ZNF99: variants seen among roughly 807,000 people sequenced by gnomAD.
The protein encoded by ZNF99 is zinc finger protein ENSP00000375192.
In ZNF99, 8 loss-of-function variants were observed where a neutral mutation model predicts 12.8. The observed-to-expected ratio is 0.62, with a 90% confidence interval of 0.37 to 1.13. The LOEUF is 1.13. Among genes scored for constraint, ZNF99 ranks in the 50% most tolerant of loss-of-function variants. The pLI is 0.02. For missense variants in ZNF99, 1,007 were observed against 1,006.2 expected, an observed-to-expected ratio of 1.00 and a Z score of -0.01; for synonymous variants, 318 against 319.0, an observed-to-expected ratio of 1.00 and a Z score of 0.03.
chr19:22,767,504 T>C (rs1198358844), intron 3 of ZNF99, among the ~76,000 whole-genome samples: 1 of 152,126 alleles, frequency 6.6e-6, no homozygotes, highest in South Asian at 2.1e-4. Context: ...AGTCAAGTAC[T>C]AGTACAAGAA....
intron 1 of ZNF99, among the ~76,000 whole-genome samples, chr19:22,770,136 T>C (rs547706911): frequency 1.2e-4 from 18 of 152,296 alleles, no homozygotes; most frequent in African/African-American, 4.1e-4. Context: ...AAAGAATCTT[T>C]TGTTAAATAT....
At chr19:22,769,022 T>C (rs1025331134) in intron 2 of ZNF99, among the ~76,000 whole-genome samples, 176 bp downstream of exon 2, 35 of 143,930 alleles carry the variant, frequency 2.4e-4, no homozygotes, top group Admixed American at 9.0e-4. Context: ...AGAGCGAAAC[T>C]CTGTTTCAAA....
In ZNF99 at chr19:22,758,518, T is replaced by C. The variant is rs1973106075; in HGVS notation, c.1391A>G (p.Asn464Ser). The C allele has an allele frequency of 6.8e-6, 11 of 1,613,176 alleles. No individual in the cohort carries two copies. Among genetic ancestry groups the C allele is most frequent in the African/African-American group, 1.3e-5 (1 of 74,882 alleles). ...CTCATGTTTTCTAAGGGCTGAAAAATTGCTAAAAGCTTTGCTGCATTCTTC... is the reference window on the plus strand; with the variant it reads ...CTCATGTTTTCTAAGGGCTGAAAAACTGCTAAAAGCTTTGCTGCATTCTTC... ...KCEECSKAFS[N>S]FSALRKHEII... Residue 464 changes from asparagine to serine, a missense_variant, in exon 4 of 4, where the codon AAT becomes AGT. By Grantham distance (46) the Asn-to-Ser change is conservative. Coordinates refer to ENST00000596209, the MANE Select transcript of ZNF99 (RefSeq NM_001080409.3).
Position 22,753,808 on chromosome 19 carries a change from G to A in ZNF99, c.*3506C>T, listed in dbSNP as rs1008489307. ...TGTACATTTTTTTTCAAGTATAAAT[G>A]CTTTCCTATGCGATAAGGTGTGAGT... On this transcript the variant is annotated 3_prime_UTR_variant, in exon 4 of 4. Transcript: ENST00000596209. 1 of 223,770 alleles carries A rather than the reference G, an allele frequency of 4.5e-6. No homozygotes were observed. Among genetic ancestry groups the A allele is most frequent in the Non-Finnish European group, 9.1e-6 (1 of 109,410 alleles). 13.9% of individuals were successfully genotyped at this position (223,770 alleles called of 1,614,324 possible).
In ZNF99 at chr19:22,754,155, T is replaced by C; in HGVS notation, c.*3159A>G. ...GCCAAGGCGGGTGGATCACTTGAGG[T>C]CAGGAGTTCAAAACCAGCCTGGTCA... On this transcript the variant is annotated 3_prime_UTR_variant, in exon 4 of 4. Coordinates refer to ENST00000596209, the MANE Select transcript of ZNF99 (RefSeq NM_001080409.3). The C allele has an allele frequency of 2.2e-6, 1 of 453,014 alleles. No individual in the cohort carries two copies. Among genetic ancestry groups the C allele is most frequent in the South Asian group, 1.6e-5 (1 of 64,362 alleles). 28.1% of individuals were successfully genotyped at this position (453,014 alleles called of 1,614,324 possible).
At chr19:22,764,426 C>T (rs1305844578) in intron 3 of ZNF99, among the ~76,000 whole-genome samples, 5 of 152,082 alleles carry the variant, frequency 3.3e-5, no homozygotes, top group Non-Finnish European at 7.4e-5. Flanking sequence ...AAAGCAAATG[C>T]AATTAAAACA....
At position 22,757,146 on chromosome 19, in the gene ZNF99, C is replaced by T; in HGVS notation, c.*168G>A. The T allele has an allele frequency of 6.2e-7, 1 of 1,609,004 alleles. No homozygotes were observed. Among genetic ancestry groups the T allele is most frequent in the Non-Finnish European group, 8.5e-7 (1 of 1,177,744 alleles). ...TTGTAGGGCTTCTCCCCAGTATGAA[C>T]TGCTTTATGTCTAGTAAGGTGTGAG... is the stretch of plus-strand genomic sequence containing the variant. On this transcript the variant is annotated 3_prime_UTR_variant, in exon 4 of 4. Transcript: ENST00000596209.
At position 22,757,930 on chromosome 19, in the gene ZNF99, C is replaced by T. The variant is rs148884059; in HGVS notation, c.1979G>A (p.Trp660Ter). Reference sequence around the variant, plus strand: ...TTTATGTCTAGTAAGGTGTGAGGACCACTTAAAAGCTTTACCACATTCTTC... The same window carrying T: ...TTTATGTCTAGTAAGGTGTGAGGACTACTTAAAAGCTTTACCACATTCTTC... ...KCEECGKAFK[W>*]SSHLTRHKVI... Residue 660 changes from tryptophan (W) to a stop codon, truncating the protein, a stop_gained, in exon 4 of 4, where the codon TGG becomes TAG. Transcript: ENST00000596209. LOFTEE classifies it low-confidence loss of function (END_TRUNC). 7.7e-4 allele frequency: 1,234 copies of T among 1,596,916 alleles called. 14 individuals carry two copies. The East Asian group carries it at 0.017, about 22-fold the overall frequency.
At chr19:22,777,673 GT>G (rs1256865916) in intron 1 of ZNF99, among the ~76,000 whole-genome samples, 17 of 152,286 alleles carry the variant, frequency 1.1e-4, no homozygotes, top group African/African-American at 4.1e-4. Context: ...TTATGAACAG[GT>G]TGTCCAGAAC....
At chr19:22,777,239 T>C (rs1973340009) in intron 1 of ZNF99, among the ~76,000 whole-genome samples, 1 of 152,204 alleles carries the variant, frequency 6.6e-6, no homozygotes. Flanking sequence ...CAAGATTATG[T>C]CATTTGCAGC....
chr19:22,763,011 A>T (rs1973166405), intron 3 of ZNF99, among the ~76,000 whole-genome samples: 1 of 152,204 alleles, frequency 6.6e-6, no homozygotes, highest in Non-Finnish European at 1.5e-5. Context: ...ATCTATGACA[A>T]ACCCAGAGCC....
chr19:22,768,218 C>T lies in ZNF99; in HGVS notation c.226+87G>A, dbSNP rs1973225897. ...AGAAACTACTTCCTTTGGAGCACAG[C>T]TTCTCAGGTCACATTTTGAGAACTG... is the stretch of plus-strand genomic sequence containing the variant. On this transcript the variant is annotated intron_variant, in intron 3 of 3. Transcript: ENST00000596209. 16 of 1,435,280 alleles carry T rather than the reference C, an allele frequency of 1.1e-5. No homozygotes were observed. The Admixed American group carries it at 2.8e-4, about 25-fold the overall frequency. The allele number at this position is 1,435,280 out of a possible 1,614,324, so 88.9% of individuals were successfully genotyped here. A position where few individuals can be genotyped will look rare whatever the true frequency, so the allele number is the denominator to read the frequency against.
intron 2 of ZNF99, 75 bp from the exon 3 acceptor site, chr19:22,768,475 T>C: frequency 8.3e-7 from 1 of 1,207,388 alleles, no homozygotes; most frequent in Non-Finnish European, 1.1e-6. Context: ...GAGAATGTAA[T>C]AGAATATTCT....
chr19:22,754,675 T>TA lies in ZNF99; in HGVS notation c.*2638dup, dbSNP rs1208503968. The TA allele has an allele frequency of 6.2e-6, 2 of 324,654 alleles. No homozygotes were observed. Among genetic ancestry groups the TA allele is most frequent in the Non-Finnish European group, 1.2e-5 (2 of 164,112 alleles). 20.1% of individuals were successfully genotyped at this position (324,654 alleles called of 1,614,324 possible). ...TCATATTTGTAGGGCTAGTTTCCATTATGAATTATCTTATGTTCAGTAAGG... is the reference window on the plus strand; with the variant it reads ...TCATATTTGTAGGGCTAGTTTCCATTAATGAATTATCTTATGTTCAGTAAGG... On this transcript the variant is annotated 3_prime_UTR_variant, in exon 4 of 4. Coordinates refer to ENST00000596209, the MANE Select transcript of ZNF99 (RefSeq NM_001080409.3).
chr19:22,768,460 T>C, intron 2 of ZNF99, 60 bp from the exon 3 acceptor site: 4 of 1,386,208 alleles, frequency 2.9e-6, no homozygotes, highest in South Asian at 1.3e-5. Flanking sequence ...AATGTGCTCA[T>C]TAAAGAGAAT....
Position 22,757,629 on chromosome 19 carries a change from G to A in ZNF99, c.2280C>T (p.Pro760=). The A allele has an allele frequency of 6.2e-7, 1 of 1,611,018 alleles. No homozygotes were observed. The highest frequency in any genetic ancestry group is 1.3e-5 in the African/African-American group (1 of 74,430). The change falls in exon 4 of 4, where the codon CCC becomes CCT. Residue 760 remains proline (P), a synonymous_variant. Transcript: ENST00000596209. The stretch of plus-strand genomic sequence containing the variant: ...CTTTGCCACATTCTTCACATTTGCA[G>A]GGTTTCTCTGCAGTATGAATTACCT... ...VHKVIHTAEK[P]CKCEECGKAF...
intron 3 of ZNF99, among the ~76,000 whole-genome samples, chr19:22,760,952 A>G (rs2145145426): frequency 6.6e-6 from 1 of 151,880 alleles, no homozygotes; most frequent in South Asian, 2.1e-4. Context: ...ATACTCCCAG[A>G]ATCTCTAGCC....
intron 1 of ZNF99, among the ~76,000 whole-genome samples, chr19:22,771,787 G>A (rs1305318304): frequency 6.0e-5 from 8 of 132,544 alleles, no homozygotes; most frequent in Non-Finnish European, 9.6e-5. Flanking sequence ...GCACCATCTC[G>A]GCTCACTGCA....
At chr19:22,781,687 A>T (rs1215958101) in intron 1 of ZNF99, among the ~76,000 whole-genome samples, 1 of 152,080 alleles carries the variant, frequency 6.6e-6, no homozygotes, top group Non-Finnish European at 1.5e-5. Context: ...GAGACCTCTC[A>T]ACCCCAGGGC....
Sources: allele counts gnomAD v4.1 joint callset (sites outside exome capture counted in the v4.1 genomes callset), GRCh38; gene constraint gnomAD v4.1.1; transcripts MANE v1.5; gene names NCBI Gene and HGNC (gene_info 2026-07-23, HGNC 2026-07-21).